CAMTA1: variants seen among roughly 807,000 people sequenced by gnomAD.
The protein encoded by CAMTA1 is calmodulin binding transcription activator 1.
CAMTA1 carries 27 observed loss-of-function variants against 170.9 expected under a neutral mutation model. The observed-to-expected ratio is 0.16, with a 90% confidence interval of 0.12 to 0.22. The LOEUF is 0.22. CAMTA1 is among the 10% of genes least tolerant of loss of function. CAMTA1 has a pLI of 1.00. For synonymous variants in CAMTA1, 833 were observed against 891.5 expected (o/e 0.93, Z 1.17); for missense variants, 1,619 against 2,217.2 (o/e 0.73, Z 5.42).
At chr1:7,191,570 C>T (rs182466529) in intron 4 of CAMTA1, among the ~76,000 whole-genome samples, 150 of 152,302 alleles carry the variant, frequency 9.8e-4, no homozygotes, top group African/African-American at 3.4e-3. Context: ...TTTTGTTAAA[C>T]TCTTAAAACT....
intron 3 of CAMTA1, among the ~76,000 whole-genome samples, chr1:6,928,170 A>G (rs528738648): frequency 1.3e-5 from 2 of 152,328 alleles, no homozygotes; most frequent in Admixed American, 6.5e-5. Flanking sequence ...GTGGATTCAG[A>G]AAACCCTCCC....
intron 4 of CAMTA1, among the ~76,000 whole-genome samples, chr1:7,145,080 G>A (rs866778674): frequency 3.9e-5 from 6 of 152,230 alleles, no homozygotes; most frequent in Middle Eastern, 3.2e-3. Context: ...GTTCAATGAC[G>A]TGGCCAAGAT....
At chr1:7,603,243 ACTTT>A (rs1395050592) in intron 6 of CAMTA1, among the ~76,000 whole-genome samples, 2 of 152,060 alleles carry the variant, frequency 1.3e-5, no homozygotes, top group African/African-American at 4.8e-5. Context: ...ATCCTTGTTA[ACTTT>A]CTGTCTCATT....
At chr1:6,810,281 T>A (rs1356279763) in intron 1 of CAMTA1, among the ~76,000 whole-genome samples, 1 of 152,162 alleles carries the variant, frequency 6.6e-6, no homozygotes, top group Non-Finnish European at 1.5e-5. Context: ...AGGACTCCTT[T>A]CTTTGGGCTG....
Position 7,674,017 on chromosome 1 carries a change from GA to G in CAMTA1, c.2779+2982del, listed in dbSNP as rs2096086682. ...ACCTCATCTTTGGGTCTCCCCAGAG[GA>G]ATCTGAGGCTGAGCTCGAAGGATGA... On this transcript the variant is annotated intron_variant, in intron 10 of 22. Coordinates refer to ENST00000303635, the MANE Select transcript of CAMTA1 (RefSeq NM_015215.4). The surrounding 1 kb of genome is among the most constrained non-coding windows in gnomAD (Gnocchi z 4.1). 6.6e-6 allele frequency among the ~76,000 whole-genome samples: 1 copy of G among 152,136 alleles called. No homozygotes were observed. The highest frequency in any genetic ancestry group is 1.5e-5 in the Non-Finnish European group (1 of 68,020).
chr1:7,220,217 A>G (rs889195910), intron 4 of CAMTA1, among the ~76,000 whole-genome samples: 1 of 152,206 alleles, frequency 6.6e-6, no homozygotes, highest in African/African-American at 2.4e-5. Flanking sequence ...GGGGTCAAGA[A>G]TGTTTGTGAG....
intron 6 of CAMTA1, among the ~76,000 whole-genome samples, chr1:7,606,405 C>T (rs1010452818): frequency 2.6e-5 from 4 of 152,310 alleles, no homozygotes; most frequent in East Asian, 1.9e-4. Context: ...GATCAATTCT[C>T]GTGCTTTTAT....
At chr1:7,297,706 TCTC>T (rs1036092029) in intron 5 of CAMTA1, among the ~76,000 whole-genome samples, 2 of 152,186 alleles carry the variant, frequency 1.3e-5, no homozygotes, top group Non-Finnish European at 2.9e-5. Flanking sequence ...ATTTTTGCCT[TCTC>T]CTATAATCTA....
intron 6 of CAMTA1, among the ~76,000 whole-genome samples, chr1:7,477,762 G>T (rs1174095491): frequency 2.0e-5 from 3 of 152,152 alleles, no homozygotes; most frequent in Non-Finnish European, 4.4e-5. Flanking sequence ...AGGCCCCATT[G>T]CTCACCCTTC....
At chr1:6,885,633 G>A (rs1438260006) in intron 3 of CAMTA1, among the ~76,000 whole-genome samples, 1 of 152,136 alleles carries the variant, frequency 6.6e-6, no homozygotes, top group African/African-American at 2.4e-5. Context: ...TGCTCTGGTG[G>A]GTTCTTTTTC....
At chr1:6,877,686 T>TC (rs1260948097) in intron 3 of CAMTA1, among the ~76,000 whole-genome samples, 1 of 152,204 alleles carries the variant, frequency 6.6e-6, no homozygotes, top group Non-Finnish European at 1.5e-5. Flanking sequence ...TGACAGACTG[T>TC]CACATACGCT....
rs541760627 is a variant in CAMTA1, at chr1:7,278,751, G to A, written c.438+29125G>A. 2.0e-5 allele frequency among the ~76,000 whole-genome samples: 3 copies of A among 152,316 alleles called. No homozygotes were observed. In the South Asian group the frequency reaches 6.2e-4, roughly 32 times the overall value. ...AGCACCTTCCACAGGCCAGGAAGGG[G>A]AATAGTGGAGAGCTGCGTTGACAAG... On this transcript the variant is annotated intron_variant, in intron 5 of 22. Coordinates refer to ENST00000303635, the MANE Select transcript of CAMTA1 (RefSeq NM_015215.4).
intron 3 of CAMTA1, among the ~76,000 whole-genome samples, chr1:6,850,062 T>C (rs553523637): frequency 2.7e-5 from 4 of 149,922 alleles, no homozygotes; most frequent in Admixed American, 1.3e-4. Context: ...AAAAAGTTAG[T>C]TTAGGTCCCC....
intron 3 of CAMTA1, among the ~76,000 whole-genome samples, chr1:7,039,293 A>T (rs1252496635): frequency 2.0e-5 from 3 of 151,966 alleles, no homozygotes; most frequent in Non-Finnish European, 2.9e-5. Context: ...ATCATCATCA[A>T]ACCTAGTTAT....
chr1:6,964,321 C>T (rs1040324326), intron 3 of CAMTA1, among the ~76,000 whole-genome samples: 6 of 151,032 alleles, frequency 4.0e-5, no homozygotes, highest in African/African-American at 9.8e-5. Flanking sequence ...TCGGTGCCCC[C>T]GGAGGGTGCA....
chr1:7,061,803 G>T (rs1223939139), intron 3 of CAMTA1, among the ~76,000 whole-genome samples: 1 of 152,100 alleles, frequency 6.6e-6, no homozygotes, highest in African/African-American at 2.4e-5. Flanking sequence ...GGTGGCGCTG[G>T]CAGAGGAGGG....
At chr1:7,677,576 T>C (rs745953230) in intron 10 of CAMTA1, 23 bp from the exon 11 acceptor site, 18 of 1,610,268 alleles carry the variant, frequency 1.1e-5, no homozygotes, top group Non-Finnish European at 1.5e-5. Context: ...TCCCTTGACC[T>C]GGTCTTTTTC....
intron 11 of CAMTA1, among the ~76,000 whole-genome samples, chr1:7,700,476 G>A (rs2096427682): frequency 6.6e-6 from 1 of 152,136 alleles, no homozygotes; most frequent in Non-Finnish European, 1.5e-5. Flanking sequence ...TTTCTTATCA[G>A]ACAGGAGAGG....
chr1:7,666,308 T>C (rs2096001396), intron 9 of CAMTA1, among the ~76,000 whole-genome samples: 1 of 152,142 alleles, frequency 6.6e-6, no homozygotes, highest in Admixed American at 6.5e-5. Context: ...TGAAGAGTCA[T>C]CCTGAAGATC....
Sources: gnomAD v4.1 joint callset for allele counts (sites outside exome capture counted in the v4.1 genomes callset) on GRCh38, gnomAD v4.1.1 for gene constraint, Gnocchi (gnomAD v3.1) non-coding constraint, MANE v1.5 for transcripts, NCBI Gene and HGNC (gene_info 2026-07-23, HGNC 2026-07-21) for gene names.